ARMC2: variants seen among roughly 807,000 people sequenced by gnomAD.
ARMC2 encodes the protein armadillo repeat-containing protein 2.
A neutral mutation model predicts 90.3 loss-of-function variants in ARMC2; 67 were observed. That is an observed-to-expected ratio of 0.74 (90% confidence interval 0.61 to 0.91). ARMC2 has a LOEUF of 0.91. Ranked by LOEUF, ARMC2 falls within the 40% of genes least tolerant of loss-of-function variation. ARMC2 has a pLI of 0.00. For synonymous variants in ARMC2, 393 were observed against 393.0 expected (o/e 1.00, Z 0.00); for missense variants, 920 against 1,030.9 (o/e 0.89, Z 1.47).
rs1357256734 is a variant in ARMC2, at chr6:108,894,503, C to T, written c.708C>T (p.Cys236=). 1.9e-6 allele frequency: 3 copies of T among 1,611,488 alleles called. No homozygotes were observed. Among genetic ancestry groups the T allele is most frequent in the African/African-American group, 2.7e-5 (2 of 74,636 alleles). ...QGKRHARASS[C]PSSSDLSRLQ... ...AGAGACATGCGAGGGCCTCATCATGCCCCAGTAGCTCAGACCTGAGCAGGC... is the reference window on the plus strand; with the variant it reads ...AGAGACATGCGAGGGCCTCATCATGTCCCAGTAGCTCAGACCTGAGCAGGC... Residue 236 remains cysteine, a synonymous_variant, in exon 6 of 18, where the codon TGC becomes TGT. Coordinates refer to ENST00000392644, the MANE Select transcript of ARMC2 (RefSeq NM_032131.6).
At chr6:109,046,284 TGTGTTG>T in the ARMC2 span, among the ~76,000 whole-genome samples, 1 of 151,472 alleles carries the variant, frequency 6.6e-6, no homozygotes, top group Admixed American at 6.6e-5. Flanking sequence ...GGGGTTTCGC[TGTGTTG>T]GCCGGGCCGG....
intron 10 of ARMC2, among the ~76,000 whole-genome samples, chr6:108,913,781 CCT>C (rs1160175343): frequency 2.6e-5 from 4 of 152,084 alleles, no homozygotes; most frequent in Non-Finnish European, 4.4e-5. Context: ...CTCTTCCCTC[CCT>C]GTTTCTCCTT....
intron 3 of ARMC2, among the ~76,000 whole-genome samples, chr6:108,864,332 A>G (rs1373618120): frequency 6.9e-6 from 1 of 144,648 alleles, no homozygotes; most frequent in African/African-American, 2.6e-5. Flanking sequence ...CACTGCAACC[A>G]TTGCCTCCCG....
chr6:108,923,121 A>C (rs547062277), intron 10 of ARMC2: 2 of 152,312 alleles, frequency 1.3e-5, no homozygotes, highest in East Asian at 3.9e-4. Flanking sequence ...TGTGTTTTTC[A>C]GTGTGCTATT....
At chr6:109,012,988 C>T in the ARMC2 span, among the ~76,000 whole-genome samples, 1 of 151,454 alleles carries the variant, frequency 6.6e-6, no homozygotes, top group Non-Finnish European at 1.5e-5. Flanking sequence ...TGGTGGTGTG[C>T]GCCTGTAGTC....
At chr6:108,849,072 A>G (rs1023015401) in intron 1 of ARMC2, among the ~76,000 whole-genome samples, 2 of 152,214 alleles carry the variant, frequency 1.3e-5, no homozygotes, top group East Asian at 3.8e-4. Context: ...CCAGAGTCAT[A>G]CAGTTTATAT....
chr6:108,932,598 G>A (rs182395350), intron 11 of ARMC2, among the ~76,000 whole-genome samples: 6 of 134,488 alleles, frequency 4.5e-5, no homozygotes, highest in Admixed American at 2.8e-4. Flanking sequence ...GCGCGGTCTC[G>A]GCTCACTGCA....
chr6:108,985,060 TATATG>T, the ARMC2 span, among the ~76,000 whole-genome samples: 1 of 152,336 alleles, frequency 6.6e-6, no homozygotes, highest in African/African-American at 2.4e-5. Context: ...TGATGATTCA[TATATG>T]ATATTCACAT....
intron 16 of ARMC2, 50 bp downstream of exon 16, chr6:108,964,362 C>G: frequency 6.3e-7 from 1 of 1,586,826 alleles, no homozygotes; most frequent in Non-Finnish European, 8.6e-7. Flanking sequence ...TGAAGGACAT[C>G]ATTTTCTTGG....
At chr6:108,990,064 A>G in the ARMC2 span, among the ~76,000 whole-genome samples, 1 of 152,350 alleles carries the variant, frequency 6.6e-6, no homozygotes, top group Non-Finnish European at 1.5e-5. Context: ...CTGATTTTAC[A>G]GCAAAAATAG....
the ARMC2 span, chr6:109,000,332 C>T: frequency 6.1e-6 from 3 of 490,120 alleles, no homozygotes; most frequent in African/African-American, 3.9e-5. Context: ...AAATGTACCA[C>T]AGAAATGCTG....
At chr6:108,956,011 A>G (rs1305706596) in intron 13 of ARMC2, among the ~76,000 whole-genome samples, 1 of 152,208 alleles carries the variant, frequency 6.6e-6, no homozygotes, top group Non-Finnish European at 1.5e-5. Context: ...CTTTGCCCCC[A>G]GGTGAGCCTT....
In ARMC2 at chr6:108,864,808, G is replaced by A. The variant is rs556640812; in HGVS notation, c.292-4016G>A. On this transcript the variant is annotated intron_variant, in intron 3 of 17. Coordinates refer to ENST00000392644, the MANE Select transcript of ARMC2 (RefSeq NM_032131.6). ...GGTCAGCCTGATGGATACCTTAAAC[G>A]TTCTATGTATTGTGTCTTCTTTGAC... is the stretch of plus-strand genomic sequence containing the variant. Among the ~76,000 whole-genome samples the A allele has an allele frequency of 3.3e-5, 5 of 152,204 alleles. No homozygotes were observed. The East Asian group carries it at 9.7e-4, about 29-fold the overall frequency.
chr6:109,009,279 T>A, the ARMC2 span: 1 of 1,256,366 alleles, frequency 8.0e-7, no homozygotes, highest in Non-Finnish European at 1.0e-6. Flanking sequence ...CAACGTGACC[T>A]CCGTGTTGCA....
chr6:109,022,171 G>A, the ARMC2 span, among the ~76,000 whole-genome samples: 4 of 151,558 alleles, frequency 2.6e-5, no homozygotes, highest in Non-Finnish European at 5.9e-5. Flanking sequence ...TACTCCTAAC[G>A]GGGCACCTGG....
intron 13 of ARMC2, among the ~76,000 whole-genome samples, chr6:108,959,919 C>A (rs1270438431): frequency 6.6e-6 from 1 of 152,076 alleles, no homozygotes; most frequent in Non-Finnish European, 1.5e-5. Context: ...CTCCTGACCT[C>A]AAGTGATCAG....
chr6:108,873,207 C>G (rs544419517), intron 4 of ARMC2, among the ~76,000 whole-genome samples: 1 of 152,322 alleles, frequency 6.6e-6, no homozygotes, highest in African/African-American at 2.4e-5. Flanking sequence ...GTAATTTTCA[C>G]TTGTCACAAA....
At chr6:108,891,887 GT>G (rs931465453) in intron 5 of ARMC2, among the ~76,000 whole-genome samples, 3 of 152,272 alleles carry the variant, frequency 2.0e-5, no homozygotes, top group African/African-American at 7.2e-5. Flanking sequence ...TAGGTCTTAT[GT>G]TTAAGTCTTT....
intron 11 of ARMC2, among the ~76,000 whole-genome samples, chr6:108,932,459 T>C (rs1775629994): frequency 6.6e-6 from 1 of 150,500 alleles, no homozygotes. Context: ...GTCTTCTGCA[T>C]ATGGCTAGCC....
Sources: allele counts gnomAD v4.1 joint callset (sites outside exome capture counted in the v4.1 genomes callset), GRCh38; gene constraint gnomAD v4.1.1; transcripts MANE v1.5; gene names NCBI Gene and HGNC (gene_info 2026-07-23, HGNC 2026-07-21).